TTC28: variants seen among roughly 807,000 people sequenced by gnomAD.
The protein encoded by TTC28 is tetratricopeptide repeat protein 28.
A neutral mutation model predicts 198.0 loss-of-function variants in TTC28; 61 were observed. That is an observed-to-expected ratio of 0.31 (90% CI 0.25 to 0.38). The LOEUF is 0.38. Ranked by LOEUF, TTC28 falls within the 10% of genes least tolerant of loss-of-function variation. The pLI is 1.00. For synonymous variants in TTC28, 1,171 were observed against 1,297.8 expected (o/e 0.90, Z 2.10); for missense variants, 2,678 against 3,164.0 (o/e 0.85, Z 3.69).
chr22:28,409,508 T>TA, intron 2 of TTC28, among the ~76,000 whole-genome samples: 1 of 151,416 alleles, frequency 6.6e-6, no homozygotes, highest in Non-Finnish European at 1.5e-5. Flanking sequence ...TGTACCACTT[T>TA]AAAAAATGTA....
At chr22:28,337,154 G>A (rs908562291) in intron 2 of TTC28, among the ~76,000 whole-genome samples, 14 of 152,214 alleles carry the variant, frequency 9.2e-5, no homozygotes, top group Non-Finnish European at 1.8e-4. Context: ...GCGGTTTTCA[G>A]TGAGTTTCTT....
chr22:28,132,930 G>A (rs190431854), intron 6 of TTC28, among the ~76,000 whole-genome samples: 42 of 152,214 alleles, frequency 2.8e-4, no homozygotes, highest in Non-Finnish European at 4.9e-4. Flanking sequence ...AAATATATGA[G>A]ACATTTGTAA....
intron 16 of TTC28, chr22:27,996,496 G>T: frequency 1.9e-6 from 1 of 533,264 alleles, no homozygotes; most frequent in Non-Finnish European, 3.2e-6. Flanking sequence ...AGTGGGGCCT[G>T]CTATTTTGCA....
chr22:28,177,537 C>G (rs144149073), intron 5 of TTC28, among the ~76,000 whole-genome samples: 12 of 152,304 alleles, frequency 7.9e-5, no homozygotes, highest in African/African-American at 2.9e-4. Flanking sequence ...CACATGTCCA[C>G]ACGAAAACCT....
intron 2 of TTC28, among the ~76,000 whole-genome samples, chr22:28,387,060 T>C (rs1204314130): frequency 2.6e-5 from 4 of 151,986 alleles, no homozygotes. Flanking sequence ...GTTCTCATTG[T>C]TCAATTCCCA....
At chr22:28,302,932 CAAAT>C (rs1448528269) in intron 3 of TTC28, among the ~76,000 whole-genome samples, 2 of 152,128 alleles carry the variant, frequency 1.3e-5, no homozygotes, top group African/African-American at 2.4e-5. Flanking sequence ...GACAATTAGA[CAAAT>C]AAAAGGTGAG....
rs555397873 is a variant in TTC28 at position 28,030,298 on chromosome 22, T to C, written c.4001A>G (p.Asn1334Ser). 6.4e-7 allele frequency: 1 copy of C among 1,551,814 alleles called. No homozygotes were observed. Among genetic ancestry groups the C allele is most frequent in the African/African-American group, 1.4e-5 (1 of 73,188 alleles). The change falls in exon 13 of 23, where the codon AAC (asparagine) becomes AGC (serine). Residue 1334 changes from asparagine (N) to serine (S), a missense_variant. Physicochemically the swap from Asn to Ser is conservative, Grantham distance 46. This residue lies in a region of TTC28 where 727 missense variants were observed against 861.9 expected (regional missense o/e 0.84). Coordinates refer to ENST00000397906, the MANE Select transcript of TTC28 (RefSeq NM_001145418.2). ...GTCAGTGACCGAGTTGAGTTTGTTG[T>C]TCATCTCTTCAAATTGCTGGTCCAT... is the stretch of plus-strand genomic sequence containing the variant. ...DIMDQQFEEM[N>S]NKLNSVTDPT...
rs1363681820 is a variant in TTC28 at position 27,990,099 on chromosome 22, C to G, written c.5578-92G>C. ...CCCATTATTCTTATGTCACCTGTCA[C>G]TGGCATCGCTAATGACCCTCTCATG... On this transcript the variant is annotated intron_variant, in intron 20 of 22. Transcript: ENST00000397906. The G allele has an allele frequency of 4.9e-6, 7 of 1,442,662 alleles. No individual in the cohort carries two copies. In the Admixed American group the frequency reaches 1.6e-4, roughly 32 times the overall value. 89.4% of individuals were successfully genotyped at this position (1,442,662 alleles called of 1,614,324 possible).
At chr22:28,462,941 T>C (rs1412367595) in intron 2 of TTC28, among the ~76,000 whole-genome samples, 1 of 152,138 alleles carries the variant, frequency 6.6e-6, no homozygotes, top group Admixed American at 6.5e-5. Flanking sequence ...GATCTGCCAT[T>C]ATAACTTGAG....
chr22:28,543,778 GCAGA>G (rs1319656185), intron 2 of TTC28, among the ~76,000 whole-genome samples: 8 of 152,140 alleles, frequency 5.3e-5, no homozygotes, highest in African/African-American at 1.7e-4. Context: ...GACAATGAAA[GCAGA>G]CAAAGACATA....
chr22:28,438,142 T>C (rs2047552036), intron 2 of TTC28, among the ~76,000 whole-genome samples: 1 of 152,240 alleles, frequency 6.6e-6, no homozygotes, highest in Non-Finnish European at 1.5e-5. Context: ...TAAAGTCTGA[T>C]GTTATACTAT....
chr22:28,327,204 T>C (rs962259129), intron 2 of TTC28, among the ~76,000 whole-genome samples: 1 of 152,182 alleles, frequency 6.6e-6, no homozygotes, highest in Admixed American at 6.5e-5. Context: ...AATAGAAATA[T>C]GTGCAGTTGA....
chr22:28,443,692 C>T (rs1404558771), intron 2 of TTC28, among the ~76,000 whole-genome samples: 2 of 152,104 alleles, frequency 1.3e-5, no homozygotes, highest in Non-Finnish European at 2.9e-5. Flanking sequence ...GCACAGCCAG[C>T]CCAGCTTCAG....
At chr22:27,990,029 G>A (rs1172610681) in intron 20 of TTC28, 22 bp from the exon 21 acceptor site, 2 of 1,545,116 alleles carry the variant, frequency 1.3e-6, no homozygotes, top group Non-Finnish European at 1.8e-6. Context: ...GGGACAGCGT[G>A]AGCACCCTGT....
chr22:28,039,634 C>T (rs1375406897), intron 12 of TTC28, among the ~76,000 whole-genome samples: 1 of 152,004 alleles, frequency 6.6e-6, no homozygotes, highest in African/African-American at 2.4e-5. Flanking sequence ...CAAACCTGCA[C>T]GTTGTGCACA....
rs897002890 is a variant in TTC28, at chr22:28,555,051, G to C, written c.381+74501C>G. Among the ~76,000 whole-genome samples the C allele has an allele frequency of 6.6e-5, 10 of 152,196 alleles. No homozygotes were observed. In the South Asian group the frequency reaches 2.1e-3, roughly 32 times the overall value. ...AAAAAGTGAGCTGAAGACATAAATA[G>C]ACAATTCTCAAAAGAAGATATACAA... On this transcript the variant is annotated intron_variant, in intron 2 of 22. Coordinates refer to ENST00000397906, the MANE Select transcript of TTC28 (RefSeq NM_001145418.2).
chr22:28,208,896 T>G (rs566501370), intron 5 of TTC28, among the ~76,000 whole-genome samples: 1 of 152,172 alleles, frequency 6.6e-6, no homozygotes, highest in South Asian at 2.1e-4. Context: ...TCTCTACATA[T>G]TAGAGGGTCA....
At chr22:28,661,063 T>A (rs1192833322) in intron 1 of TTC28, among the ~76,000 whole-genome samples, 1 of 151,672 alleles carries the variant, frequency 6.6e-6, no homozygotes, top group Admixed American at 6.6e-5. Context: ...GGTGAGCGGA[T>A]CACCTGAGGT....
intron 2 of TTC28, among the ~76,000 whole-genome samples, chr22:28,562,711 C>T (rs1275809245): frequency 6.6e-6 from 1 of 152,168 alleles, no homozygotes; most frequent in African/African-American, 2.4e-5. Flanking sequence ...CAAACAATAG[C>T]TAAACAACCA....
Sources: gnomAD v4.1 joint callset for allele counts (sites outside exome capture counted in the v4.1 genomes callset) on GRCh38, gnomAD v4.1.1 for gene constraint, gnomAD v4.1.1 regional missense constraint, MANE v1.5 for transcripts, NCBI Gene and HGNC (gene_info 2026-07-23, HGNC 2026-07-21) for gene names.